The following NEK7 variants were observed in gnomAD, a reference collection of about 807,000 sequenced individuals.
NEK7 encodes the protein NIMA related kinase 7.
In NEK7, 18 loss-of-function variants were observed where a neutral mutation model predicts 44.6. The ratio of observed to expected loss-of-function variants is 0.40; its 90% CI spans 0.28 to 0.60. NEK7 has a LOEUF of 0.60. NEK7 is among the 20% of genes least tolerant of loss of function. The pLI, the probability that NEK7 is intolerant of heterozygous loss-of-function variation, is 0.38. For missense variants in NEK7, 256 were observed against 366.5 expected (o/e 0.70, Z 2.46); for synonymous variants, 130 against 121.1 (o/e 1.07, Z -0.48).
rs1285907624 is a variant in NEK7, at chr1:198,320,106, CTA to C, written c.*586_*587del. 1 of 152,104 alleles carries C rather than the reference CTA, an allele frequency of 6.6e-6. No individual in the cohort carries two copies. The highest frequency in any genetic ancestry group is 2.4e-5 in the African/African-American group (1 of 41,418). 9.4% of individuals were successfully genotyped at this position (152,104 alleles called of 1,614,324 possible). On this transcript the variant is annotated 3_prime_UTR_variant, in exon 10 of 10. Coordinates refer to ENST00000367385, the MANE Select transcript of NEK7 (RefSeq NM_133494.3). ...CTTAGCTTATACATTCAAAATGTAA[CTA>C]TTAAATGTGAAGATTTGGGGACAAA...
chr1:198,284,266 T>G (rs1654301739), intron 7 of NEK7, among the ~76,000 whole-genome samples: 1 of 152,172 alleles, frequency 6.6e-6, no homozygotes, highest in South Asian at 2.1e-4. Context: ...AGTCTGTTTT[T>G]TCATTATGTC....
rs541188544 is a variant in NEK7 at position 198,164,235 on chromosome 1, T to G, written c.-29+6959T>G. On this transcript the variant is annotated intron_variant, in intron 1 of 9. Coordinates refer to ENST00000367385, the MANE Select transcript of NEK7 (RefSeq NM_133494.3). The stretch of plus-strand genomic sequence containing the variant: ...TAGTATTTAATGGTTGTGAGGGAGT[T>G]TGAGCTTCCAGCAGAATGTCCCAGT... 8.7e-4 allele frequency among the ~76,000 whole-genome samples: 133 copies of G among 152,356 alleles called. 1 individual carries two copies. Among genetic ancestry groups the G allele is most frequent in the Middle Eastern group, 3.4e-3 (1 of 294 alleles).
At chr1:198,239,407 G>T (rs1165396122) in intron 2 of NEK7, among the ~76,000 whole-genome samples, 3 of 152,018 alleles carry the variant, frequency 2.0e-5, no homozygotes, top group Non-Finnish European at 4.4e-5. Flanking sequence ...ATGGATTTAG[G>T]TGATATTCAA....
At chr1:198,240,340 CAGTA>C (rs1376916749) in intron 2 of NEK7, among the ~76,000 whole-genome samples, 1 of 152,086 alleles carries the variant, frequency 6.6e-6, no homozygotes, top group Non-Finnish European at 1.5e-5. Context: ...AATGAGAACA[CAGTA>C]AGAATTCTCT....
chr1:198,213,700 G>C (rs956567977), intron 1 of NEK7, among the ~76,000 whole-genome samples: 5 of 152,138 alleles, frequency 3.3e-5, no homozygotes, highest in African/African-American at 1.2e-4. Flanking sequence ...TTTCCTGCTG[G>C]CCTGGAAGGA....
In NEK7 at chr1:198,210,741, C is replaced by CTTTTTT. The variant is rs140181207; in HGVS notation, c.-28-21788_-28-21783dup. On this transcript the variant is annotated intron_variant, in intron 1 of 9. Transcript: ENST00000367385. ...GTCATTGTCCCTTCAATTTGTATTT[C>CTTTTTT]TTTTTTTTTTTTTTTTTTTTTTTTT... Among the ~76,000 whole-genome samples, 462 of 57,566 alleles carry CTTTTTT rather than the reference C, an allele frequency of 8.0e-3. 44 individuals are homozygous for CTTTTTT. Among genetic ancestry groups the CTTTTTT allele is most frequent in the East Asian group, 0.012 (19 of 1,626 alleles). The allele number at this position is 57,566 out of a possible 152,430, so 37.8% of individuals were successfully genotyped here.
At chr1:198,257,144 T>C (rs998644010) in intron 3 of NEK7, among the ~76,000 whole-genome samples, 2 of 152,196 alleles carry the variant, frequency 1.3e-5, no homozygotes, top group African/African-American at 4.8e-5. Context: ...CCATTGTCAG[T>C]GAGTTTTTTT....
chr1:198,228,449 TA>T (rs1283919636), intron 1 of NEK7, among the ~76,000 whole-genome samples: 1 of 152,144 alleles, frequency 6.6e-6, no homozygotes, highest in African/African-American at 2.4e-5. Flanking sequence ...ATCTATAAAT[TA>T]CCTTGGGCAG....
intron 7 of NEK7, among the ~76,000 whole-genome samples, chr1:198,287,020 G>A (rs549152797): frequency 4.1e-4 from 62 of 152,146 alleles, no homozygotes; most frequent in East Asian, 1.2e-3. Flanking sequence ...TGCCACTACC[G>A]TAACATAAAC....
intron 2 of NEK7, among the ~76,000 whole-genome samples, chr1:198,249,773 G>A (rs1431452151): frequency 1.4e-5 from 2 of 138,988 alleles, no homozygotes; most frequent in African/African-American, 2.8e-5. Flanking sequence ...GTTCATTGTA[G>A]ATTCTGGATA....
At chr1:198,175,377 C>T (rs1247019611) in intron 1 of NEK7, among the ~76,000 whole-genome samples, 2 of 152,076 alleles carry the variant, frequency 1.3e-5, no homozygotes, top group Non-Finnish European at 2.9e-5. Context: ...AACAAATGAC[C>T]TTACCATAAA....
rs1558056921 is a variant in NEK7, at chr1:198,209,066, C to CAT, written c.-28-23486_-28-23485insTA. ...ATATATATATATATATATACACACA[C>CAT]ACATACGCACATATGTATATATACA... is the stretch of plus-strand genomic sequence containing the variant. On this transcript the variant is annotated intron_variant, in intron 1 of 9. Coordinates refer to ENST00000367385, the MANE Select transcript of NEK7 (RefSeq NM_133494.3). Among the ~76,000 whole-genome samples the CAT allele has an allele frequency of 4.3e-3, 449 of 105,474 alleles. 2 individuals are homozygous for CAT. Among genetic ancestry groups the CAT allele is most frequent in the African/African-American group, 0.018 (400 of 22,150 alleles). The allele number at this position is 105,474 out of a possible 152,430, so 69.2% of individuals were successfully genotyped here.
intron 3 of NEK7, 46 bp from the exon 4 acceptor site, chr1:198,262,529 A>G: frequency 1.7e-6 from 2 of 1,168,994 alleles, no homozygotes; most frequent in Non-Finnish European, 2.5e-6. Context: ...AATAGCTTGA[A>G]CCATAGGTTA....
intron 2 of NEK7, among the ~76,000 whole-genome samples, chr1:198,241,539 A>G (rs758645356): frequency 1.3e-5 from 2 of 152,198 alleles, no homozygotes; most frequent in Non-Finnish European, 2.9e-5. Context: ...GTGAGCAAAA[A>G]TTAGAAAAGA....
At position 198,279,074 on chromosome 1, in the gene NEK7, A is replaced by G. The variant is rs1319806728; in HGVS notation, c.589+13A>G. 1.4e-6 allele frequency: 2 copies of G among 1,473,304 alleles called. No individual in the cohort carries two copies. The highest frequency in any genetic ancestry group is 1.9e-6 in the Non-Finnish European group (2 of 1,052,712). The allele number at this position is 1,473,304 out of a possible 1,614,324, so 91.3% of individuals were successfully genotyped here. ...GCACATTCTTTAGGTAAGAGACACA[A>G]TATAATTTCATTCAGTTACTTTGTG... On this transcript the variant is annotated intron_variant, in intron 7 of 9. Coordinates refer to ENST00000367385, the MANE Select transcript of NEK7 (RefSeq NM_133494.3).
chr1:198,175,431 C>T (rs1021893679), intron 1 of NEK7, among the ~76,000 whole-genome samples: 1 of 152,142 alleles, frequency 6.6e-6, no homozygotes, highest in African/African-American at 2.4e-5. Context: ...AGCCTGTATT[C>T]CATAAGGCCT....
chr1:198,158,720 T>TG (rs1663996297), intron 1 of NEK7, among the ~76,000 whole-genome samples: 1 of 152,202 alleles, frequency 6.6e-6, no homozygotes, highest in African/African-American at 2.4e-5. Context: ...TAACACTTGG[T>TG]GATGGCCAAG....
At chr1:198,293,940 T>C (rs1439394020) in intron 8 of NEK7, among the ~76,000 whole-genome samples, 1 of 151,960 alleles carries the variant, frequency 6.6e-6, no homozygotes, top group Non-Finnish European at 1.5e-5. Context: ...TTTCCTACTA[T>C]ATATATTTCC....
chr1:198,253,638 C>T (rs779698773), intron 3 of NEK7, among the ~76,000 whole-genome samples: 7 of 152,094 alleles, frequency 4.6e-5, no homozygotes, highest in East Asian at 3.8e-4. Context: ...GAAATAAAAA[C>T]GAGGCAGATA....
Sources: gnomAD v4.1 joint callset for allele counts (sites outside exome capture counted in the v4.1 genomes callset) on GRCh38, gnomAD v4.1.1 for gene constraint, MANE v1.5 for transcripts, NCBI Gene and HGNC (gene_info 2026-07-23, HGNC 2026-07-21) for gene names.